The following ROBO1 variants were observed in gnomAD, a reference collection of about 807,000 sequenced individuals.
ROBO1 encodes roundabout guidance receptor 1.
In ROBO1, 149 loss-of-function variants were observed where a neutral mutation model predicts 195.9. The observed-to-expected ratio is 0.76, with a 90% CI of 0.67 to 0.87. ROBO1 has a LOEUF of 0.87. Among genes scored for constraint, ROBO1 ranks in the 40% least tolerant of loss-of-function variants. The probability of loss-of-function intolerance (pLI) is 0.00; values close to 1 mark genes in which losing one functional copy is unlikely to be tolerated. For missense variants in ROBO1, 1,933 were observed against 2,068.3 expected (o/e 0.93, Z 1.27); for synonymous variants, 816 against 733.2 (o/e 1.11, Z -1.82).
At position 79,197,335 on chromosome 3, in the gene ROBO1, A is replaced by G. The variant is rs187192169; in HGVS notation, c.89-71796T>C. Reference sequence around the variant, plus strand: ...TAATTTGCTTAGAATGAAGGTTTCCAGCTTCATCCATGTCCCTGCAAAGGA... The same window carrying G: ...TAATTTGCTTAGAATGAAGGTTTCCGGCTTCATCCATGTCCCTGCAAAGGA... On this transcript the variant is annotated intron_variant, in intron 2 of 30. Transcript: ENST00000464233. Among the ~76,000 whole-genome samples, 18 of 152,106 alleles carry G rather than the reference A, an allele frequency of 1.2e-4. No homozygotes were observed. The East Asian group carries it at 3.5e-3, about 29-fold the overall frequency.
At chr3:78,810,106 A>G (rs1017935502) in intron 4 of ROBO1, among the ~76,000 whole-genome samples, 1 of 152,166 alleles carries the variant, frequency 6.6e-6, no homozygotes, top group Non-Finnish European at 1.5e-5. Flanking sequence ...AAAATGTAAG[A>G]CATATGGTCT....
chr3:78,774,520 C>A (rs1372738548), intron 4 of ROBO1, among the ~76,000 whole-genome samples: 1 of 151,938 alleles, frequency 6.6e-6, no homozygotes, highest in African/African-American at 2.4e-5. Flanking sequence ...CTGTGTTAGC[C>A]AGGATGGTCT....
intron 8 of ROBO1, among the ~76,000 whole-genome samples, chr3:78,705,403 T>C (rs1264756997): frequency 1.3e-5 from 2 of 152,226 alleles, no homozygotes; most frequent in African/African-American, 2.4e-5. Flanking sequence ...TCCTATTAGC[T>C]GACGGATATT....
intron 4 of ROBO1, among the ~76,000 whole-genome samples, chr3:78,805,133 T>C (rs1183008723): frequency 1.3e-5 from 2 of 152,214 alleles, no homozygotes; most frequent in Admixed American, 6.5e-5. Context: ...GGTCCTATCC[T>C]TTCTCTATCA....
At position 79,426,249 on chromosome 3, in the gene ROBO1, C is replaced by T. The variant is rs2038442424; in HGVS notation, c.88+163575G>A. On this transcript the variant is annotated intron_variant, in intron 2 of 30. Coordinates refer to ENST00000464233, the MANE Select transcript of ROBO1 (RefSeq NM_002941.4). ...ATTCAATAGATGTCTTTTTGTACAT[C>T]ACGATGTAACACAAATAATATACAT... is the stretch of plus-strand genomic sequence containing the variant. 2.6e-5 allele frequency among the ~76,000 whole-genome samples: 4 copies of T among 152,258 alleles called. No homozygotes were observed. The South Asian group carries it at 8.3e-4, about 32-fold the overall frequency.
intron 1 of ROBO1, among the ~76,000 whole-genome samples, chr3:79,629,693 GCACA>G (rs1258712361): frequency 6.6e-6 from 1 of 151,630 alleles, no homozygotes; most frequent in African/African-American, 2.4e-5. Context: ...AAAGAATAAA[GCACA>G]CAAAGTTGTT....
At chr3:79,567,537 C>T (rs1050362901) in intron 2 of ROBO1, among the ~76,000 whole-genome samples, 5 of 152,114 alleles carry the variant, frequency 3.3e-5, no homozygotes, top group African/African-American at 1.2e-4. Flanking sequence ...CTTTATATGT[C>T]TTCCTGGTAT....
At chr3:79,409,674 G>T (rs558470758) in intron 2 of ROBO1, among the ~76,000 whole-genome samples, 69 of 152,040 alleles carry the variant, frequency 4.5e-4, no homozygotes, top group South Asian at 1.0e-3. Flanking sequence ...GTTTCCCAAA[G>T]ATTTATTTGA....
intron 18 of ROBO1, among the ~76,000 whole-genome samples, chr3:78,653,626 C>T (rs1706815437): frequency 6.6e-6 from 1 of 152,178 alleles, no homozygotes; most frequent in South Asian, 2.1e-4. Flanking sequence ...AAACTGCTTC[C>T]GTTATTTCAC....
At chr3:79,327,737 G>A (rs558238018) in intron 2 of ROBO1, among the ~76,000 whole-genome samples, 2 of 124,940 alleles carry the variant, frequency 1.6e-5, no homozygotes, top group African/African-American at 2.6e-5. Flanking sequence ...GTAGAAGCCC[G>A]TGATCCATTC....
intron 2 of ROBO1, among the ~76,000 whole-genome samples, chr3:79,366,352 T>G (rs904011219): frequency 7.9e-5 from 12 of 152,186 alleles, no homozygotes; most frequent in African/African-American, 2.9e-4. Context: ...TGCCTCCATT[T>G]TGTATTCTTG....
intron 21 of ROBO1, among the ~76,000 whole-genome samples, chr3:78,645,735 G>A (rs1297848650): frequency 1.3e-5 from 2 of 151,998 alleles, no homozygotes; most frequent in South Asian, 2.1e-4. Context: ...TTCATAACAA[G>A]AATAAACAAA....
chr3:78,625,822 G>C (rs1433665315), intron 26 of ROBO1, among the ~76,000 whole-genome samples: 1 of 152,108 alleles, frequency 6.6e-6, no homozygotes, highest in African/African-American at 2.4e-5. Flanking sequence ...AATGCAGTGG[G>C]CTGAGGTGCG....
chr3:79,315,926 G>GCC (rs2033708571), intron 2 of ROBO1, among the ~76,000 whole-genome samples: 1 of 152,092 alleles, frequency 6.6e-6, no homozygotes, highest in African/African-American at 2.4e-5. Context: ...AGCTAACAAG[G>GCC]AAGTCCGAGA....
chr3:79,268,475 G>A (rs2030201535), intron 2 of ROBO1, among the ~76,000 whole-genome samples: 1 of 151,484 alleles, frequency 6.6e-6, no homozygotes, highest in East Asian at 1.9e-4. Context: ...TTAACAATAT[G>A]GTTTGGTCAC....
intron 2 of ROBO1, among the ~76,000 whole-genome samples, chr3:79,566,409 T>C (rs1182019708): frequency 6.6e-6 from 1 of 152,172 alleles, no homozygotes. Flanking sequence ...TATAATAATA[T>C]GACTAATCTA....
intron 3 of ROBO1, among the ~76,000 whole-genome samples, chr3:78,954,775 C>G (rs1284865601): frequency 6.6e-6 from 1 of 151,970 alleles, no homozygotes; most frequent in Non-Finnish European, 1.5e-5. Flanking sequence ...TTTGAGCCAA[C>G]TATAACCTCA....
At chr3:78,681,116 A>G (rs909231518) in intron 10 of ROBO1, among the ~76,000 whole-genome samples, 1 of 150,240 alleles carries the variant, frequency 6.7e-6, no homozygotes, top group Non-Finnish European at 1.5e-5. Context: ...TCTCACTCAC[A>G]GGTGGGAATT....
chr3:78,863,190 G>A (rs918912770), intron 4 of ROBO1, among the ~76,000 whole-genome samples: 1 of 152,126 alleles, frequency 6.6e-6, no homozygotes, highest in African/African-American at 2.4e-5. Flanking sequence ...TTGTTCTGAT[G>A]AGGAAACAGG....
Sources: allele counts gnomAD v4.1 joint callset (sites outside exome capture counted in the v4.1 genomes callset), GRCh38; gene constraint gnomAD v4.1.1; transcripts MANE v1.5; gene names NCBI Gene and HGNC (gene_info 2026-07-23, HGNC 2026-07-21).